NAPA: variants seen among roughly 807,000 people sequenced by gnomAD.
NAPA encodes the protein alpha-soluble NSF attachment protein.
Under a neutral mutation model 48.0 loss-of-function variants are expected in NAPA, and 18 were observed. The ratio of observed to expected loss-of-function variants is 0.38; its 90% CI spans 0.26 to 0.56. NAPA has a LOEUF of 0.56. NAPA is among the 20% of genes least tolerant of loss of function. The probability of loss-of-function intolerance (pLI) is 0.77; values close to 1 mark genes in which losing one functional copy is unlikely to be tolerated. For missense variants in NAPA, 315 were observed against 385.0 expected, an observed-to-expected ratio of 0.82 and a Z score of 1.52; for synonymous variants, 152 against 149.9, an observed-to-expected ratio of 1.01 and a Z score of -0.10.
chr19:47,489,253 G>A (rs543540744), intron 10 of NAPA: 1 of 171,740 alleles, frequency 5.8e-6, no homozygotes, highest in African/African-American at 2.4e-5. Context: ...AAGGGAGAGA[G>A]AGCCGCGTGG....
intron 8 of NAPA, 112 bp downstream of exon 8, chr19:47,491,903 G>A (rs189807206): frequency 9.3e-5 from 85 of 918,656 alleles, no homozygotes; most frequent in Non-Finnish European, 1.2e-4. Flanking sequence ...CTGGCTGGCA[G>A]GGGCCAGACG....
At chr19:47,508,177 A>G (rs1371997819) in intron 1 of NAPA, among the ~76,000 whole-genome samples, 1 of 152,232 alleles carries the variant, frequency 6.6e-6, no homozygotes, top group Non-Finnish European at 1.5e-5. Context: ...GCCAGTAACA[A>G]GCCAACAGGC....
At chr19:47,511,061 G>C (rs960039745) in intron 1 of NAPA, among the ~76,000 whole-genome samples, 1 of 152,320 alleles carries the variant, frequency 6.6e-6, no homozygotes, top group Admixed American at 6.5e-5. Context: ...TCCCAGGTGC[G>C]GGCTCTCTGA....
At chr19:47,491,928 G>A (rs1424013253) in intron 8 of NAPA, 87 bp downstream of exon 8, 11 of 1,184,498 alleles carry the variant, frequency 9.3e-6, no homozygotes, top group South Asian at 2.6e-5. Context: ...GGAGGAGCAC[G>A]TCCCTCTTCG....
intron 10 of NAPA, 36 bp downstream of exon 10, chr19:47,489,675 C>G: frequency 1.2e-6 from 2 of 1,612,454 alleles, no homozygotes; most frequent in Non-Finnish European, 1.7e-6. Context: ...GACCCATCCC[C>G]GTGAAGGGGC....
downstream of NAPA, among the ~76,000 whole-genome samples, chr19:47,487,367 C>G (rs929177699): frequency 3.8e-4 from 58 of 152,334 alleles, no homozygotes; most frequent in Middle Eastern, 3.4e-3. Flanking sequence ...ACCGTGCATC[C>G]CAGTTGAGGA....
Position 47,514,836 on chromosome 19 carries a change from T to G in NAPA, c.98+7A>C. On this transcript the variant is annotated splice_region_variant and intron_variant, in intron 1 of 10. Transcript: ENST00000263354. The stretch of plus-strand genomic sequence containing the variant: ...GGTCCCGGCCGACCCCTCAGCCCGG[T>G]TCTCACCCAAAGAGGCCAGAGAAGA... The G allele has an allele frequency of 6.2e-7, 1 of 1,613,366 alleles. No homozygotes were observed. The highest frequency in any genetic ancestry group is 1.3e-5 in the African/African-American group (1 of 75,006).
At chr19:47,488,505 G>A in intron 10 of NAPA, 116 bp from the exon 11 acceptor site, 2 of 741,244 alleles carry the variant, frequency 2.7e-6, no homozygotes, top group Non-Finnish European at 4.4e-6. Flanking sequence ...GGTCTCTGAG[G>A]AGGAGTAGAG....
rs1430793468 is a variant in NAPA at position 47,503,544 on chromosome 19, C to G, written c.99-42G>C. The G allele has an allele frequency of 1.9e-6, 3 of 1,585,154 alleles. No homozygotes were observed. The South Asian group carries it at 3.3e-5, about 18-fold the overall frequency. On this transcript the variant is annotated intron_variant, in intron 1 of 10. Coordinates refer to ENST00000263354, the MANE Select transcript of NAPA (RefSeq NM_003827.4). The stretch of plus-strand genomic sequence containing the variant: ...GAAAAAAAGGAGACAATCTAGTCGG[C>G]TATCCAGGAGAAAGCAAGCATTCTG...
At chr19:47,507,832 G>A (rs923982725) in intron 1 of NAPA, among the ~76,000 whole-genome samples, 2 of 152,214 alleles carry the variant, frequency 1.3e-5, no homozygotes, top group Non-Finnish European at 2.9e-5. Flanking sequence ...AGGAAGCTGG[G>A]GCTCAGAGAG....
At chr19:47,508,496 T>C (rs1044866176) in intron 1 of NAPA, among the ~76,000 whole-genome samples, 3 of 152,178 alleles carry the variant, frequency 2.0e-5, no homozygotes, top group Non-Finnish European at 4.4e-5. Flanking sequence ...AAGAATAAAG[T>C]GTCACAGGCT....
At chr19:47,490,330 G>A (rs868700521) in intron 9 of NAPA, among the ~76,000 whole-genome samples, 114 of 147,412 alleles carry the variant, frequency 7.7e-4, no homozygotes, top group Non-Finnish European at 1.2e-3. Context: ...GTGTGTGTGC[G>A]ATATGTGTGG....
chr19:47,491,085 G>A, intron 8 of NAPA: 1 of 473,634 alleles, frequency 2.1e-6, no homozygotes, highest in Non-Finnish European at 3.8e-6. Context: ...GGTGGAGGGG[G>A]AAGGTTCCCC....
At chr19:47,488,543 T>TG in intron 10 of NAPA, 154 bp from the exon 11 acceptor site, 2 of 546,310 alleles carry the variant, frequency 3.7e-6, no homozygotes, top group East Asian at 3.0e-5. Context: ...AACTCAGCCA[T>TG]GGGAGCTCCC....
chr19:47,494,322 T>C (rs1478613338), intron 4 of NAPA, among the ~76,000 whole-genome samples: 1 of 152,166 alleles, frequency 6.6e-6, no homozygotes, highest in Non-Finnish European at 1.5e-5. Flanking sequence ...GCCTAATAAA[T>C]GGCAGCTGCT....
At chr19:47,503,324 G>A in intron 2 of NAPA, 99 bp downstream of exon 2, 1 of 1,081,640 alleles carries the variant, frequency 9.2e-7, no homozygotes, top group East Asian at 2.4e-5. Context: ...CATACAAAGA[G>A]AAAGGGCCCT....
rs1275467721 is a variant in NAPA, at chr19:47,490,672, A to AAACAC, written c.735+115_735+116insGTGTT. On this transcript the variant is annotated intron_variant, in intron 9 of 10. Transcript: ENST00000263354. ...AAACAAAACAAAACAAAACAAAACAAAACAAAGACACCCTCTGAGAACTAC... is the reference window on the plus strand; with the variant it reads ...AAACAAAACAAAACAAAACAAAACAAAACACAACAAAGACACCCTCTGAGAACTAC... The AAACAC allele has an allele frequency of 4.6e-6, 4 of 877,404 alleles. No homozygotes were observed. The East Asian group carries it at 1.1e-4, about 24-fold the overall frequency. The allele number at this position is 877,404 out of a possible 1,614,324, so 54.4% of individuals were successfully genotyped here.
chr19:47,492,455 G>A (rs966207367), intron 7 of NAPA: 4 of 413,170 alleles, frequency 9.7e-6, no homozygotes, highest in Admixed American at 7.6e-5. Context: ...CAGAGCGGCG[G>A]CAGGCGGTGG....
At chr19:47,512,173 C>T (rs1968816561) in intron 1 of NAPA, among the ~76,000 whole-genome samples, 1 of 152,114 alleles carries the variant, frequency 6.6e-6, no homozygotes. Context: ...TGGGGCCTCT[C>T]CCCCAGGAAG....
Sources: gnomAD v4.1 joint callset for allele counts (sites outside exome capture counted in the v4.1 genomes callset) on GRCh38, gnomAD v4.1.1 for gene constraint, MANE v1.5 for transcripts, NCBI Gene and HGNC (gene_info 2026-07-23, HGNC 2026-07-21) for gene names.